The following EML1 variants were observed in gnomAD, a reference collection of about 807,000 sequenced individuals.
The protein encoded by EML1 is echinoderm microtubule-associated protein-like 1.
A neutral mutation model predicts 110.4 loss-of-function variants in EML1; 27 were observed. The ratio of observed to expected loss-of-function variants is 0.24; its 90% CI spans 0.18 to 0.34. EML1 has a LOEUF of 0.34. Ranked by LOEUF, EML1 falls within the 10% of genes least tolerant of loss-of-function variation. The pLI is 1.00. For missense variants in EML1, 741 were observed against 1,030.9 expected (o/e 0.72, Z 3.85); for synonymous variants, 344 against 385.8 (o/e 0.89, Z 1.27).
At chr14:99,888,123 G>C (rs1370969189) in intron 4 of EML1, among the ~76,000 whole-genome samples, 1 of 152,184 alleles carries the variant, frequency 6.6e-6, no homozygotes, top group Non-Finnish European at 1.5e-5. Flanking sequence ...ACATTGTTTA[G>C]AGCATGATTT....
chr14:99,831,472 C>T (rs1001926241), intron 1 of EML1, among the ~76,000 whole-genome samples: 1 of 152,312 alleles, frequency 6.6e-6, no homozygotes, highest in African/African-American at 2.4e-5. Context: ...GGGCCAGGGC[C>T]TCTCATCCTG....
chr14:99,802,950 C>A (rs1050787358), intron 1 of EML1, among the ~76,000 whole-genome samples: 1 of 152,132 alleles, frequency 6.6e-6, no homozygotes, highest in Non-Finnish European at 1.5e-5. Context: ...CAGGGCCCCA[C>A]TTATCTTCAT....
rs780966159 is a variant in EML1, at chr14:99,909,506, T to A, written c.1239+27T>A. 8 of 1,613,712 alleles carry A rather than the reference T, an allele frequency of 5.0e-6. No homozygotes were observed. In the South Asian group the frequency reaches 7.7e-5, roughly 16 times the overall value. ...TAAAGTTAAATTATGATTTTTGCTTTATTTTTCTCTCGTATATGTGATTGG... is the reference window on the plus strand; with the variant it reads ...TAAAGTTAAATTATGATTTTTGCTTAATTTTTCTCTCGTATATGTGATTGG... On this transcript the variant is annotated intron_variant, in intron 11 of 21. Transcript: ENST00000262233.
chr14:99,931,556 T>C (rs1303695104), intron 17 of EML1, among the ~76,000 whole-genome samples: 1 of 152,124 alleles, frequency 6.6e-6, no homozygotes, highest in Non-Finnish European at 1.5e-5. Flanking sequence ...TGATTTTCAT[T>C]TTGGGCCAAA....
At chr14:99,790,463 A>G (rs1316610518), upstream of EML1, among the ~76,000 whole-genome samples, 2 of 151,786 alleles carry the variant, frequency 1.3e-5, no homozygotes, top group African/African-American at 4.8e-5. Context: ...TCAGCCTCCC[A>G]AATAACTAGG....
intron 1 of EML1, among the ~76,000 whole-genome samples, chr14:99,815,181 G>A (rs942815452): frequency 6.1e-5 from 8 of 131,048 alleles, no homozygotes; most frequent in African/African-American, 1.8e-4. Context: ...TCGCTCTGTC[G>A]CCCAGGCTGG....
chr14:99,938,838 A>C (rs2060522588), intron 20 of EML1, among the ~76,000 whole-genome samples: 1 of 152,238 alleles, frequency 6.6e-6, no homozygotes, highest in African/African-American at 2.4e-5. Flanking sequence ...AGGACAGGGC[A>C]GCTTCCCACA....
upstream of EML1, among the ~76,000 whole-genome samples, chr14:99,768,736 T>C (rs2057392579): frequency 6.8e-6 from 1 of 148,094 alleles, no homozygotes; most frequent in Non-Finnish European, 1.5e-5. Flanking sequence ...TTTTTTTTTC[T>C]CAGATGGAGT....
intron 17 of EML1, among the ~76,000 whole-genome samples, chr14:99,933,490 C>T (rs2060411018): frequency 6.6e-6 from 1 of 152,180 alleles, no homozygotes; most frequent in African/African-American, 2.4e-5. Context: ...GGGGTAGTTC[C>T]TTGAGACCTT....
intron 16 of EML1, among the ~76,000 whole-genome samples, chr14:99,920,344 C>A (rs1296278897): frequency 6.6e-6 from 1 of 152,198 alleles, no homozygotes; most frequent in Non-Finnish European, 1.5e-5. Context: ...TCTGCAGCAC[C>A]ATTGGGAACA....
chr14:99,825,488 T>C (rs1170565341), intron 1 of EML1, among the ~76,000 whole-genome samples: 1 of 152,176 alleles, frequency 6.6e-6, no homozygotes, highest in Non-Finnish European at 1.5e-5. Context: ...CGAGATCACA[T>C]ACTATCAAGG....
intron 16 of EML1, 90 bp downstream of exon 16, chr14:99,917,939 G>A (rs1032319496): frequency 2.3e-6 from 3 of 1,331,904 alleles, no homozygotes; most frequent in Non-Finnish European, 3.2e-6. Flanking sequence ...CCCCCGTTCA[G>A]CTCTTGGCTA....
In EML1 at chr14:99,878,623, A is replaced by G; in HGVS notation, c.518+4A>G. 6.2e-7 allele frequency: 1 copy of G among 1,612,476 alleles called. No homozygotes were observed. The highest frequency in any genetic ancestry group is 8.5e-7 in the Non-Finnish European group (1 of 1,179,322). The stretch of plus-strand genomic sequence containing the variant: ...GTGGCAAAAAGAACAGTGAAAGGTA[A>G]GGACGTCTTATCTCTCAGTTCCTGC... On this transcript the variant is annotated splice_donor_region_variant and intron_variant, in intron 4 of 21. Transcript: ENST00000262233.
At chr14:99,888,938 C>A (rs2059532226) in intron 4 of EML1, among the ~76,000 whole-genome samples, 1 of 152,108 alleles carries the variant, frequency 6.6e-6, no homozygotes, top group African/African-American at 2.4e-5. Flanking sequence ...CGAGAACCCT[C>A]CCCCCGCTCA....
At chr14:99,810,612 A>G (rs2058058361) in intron 1 of EML1, among the ~76,000 whole-genome samples, 1 of 152,016 alleles carries the variant, frequency 6.6e-6, no homozygotes, top group African/African-American at 2.4e-5. Flanking sequence ...ACCCCAACCC[A>G]CTTGAAGCAG....
intron 4 of EML1, among the ~76,000 whole-genome samples, chr14:99,881,316 CACAG>C (rs1409218422): frequency 6.6e-6 from 1 of 152,198 alleles, no homozygotes; most frequent in African/African-American, 2.4e-5. Flanking sequence ...CCATAAAGCT[CACAG>C]CTTCTCACAC....
upstream of EML1, among the ~76,000 whole-genome samples, chr14:99,770,396 T>TATCTATCTATCTATC (rs756876109): frequency 2.0e-3 from 310 of 152,202 alleles, 1 homozygote; most frequent in Non-Finnish European, 3.4e-3. Flanking sequence ...TCTATCTATC[T>TATCTATCTATCTATC]ATCTATCTAT....
Position 99,816,949 on chromosome 14 carries a change from T to C in EML1, c.67+23406T>C, listed in dbSNP as rs117582458. On this transcript the variant is annotated intron_variant, in intron 1 of 21. Transcript: ENST00000262233. ...TTGAGAACATTGATTCTCTGAGTTA[T>C]GCAGACCTTCCAAATGTGACATATT... Among the ~76,000 whole-genome samples the C allele has an allele frequency of 9.8e-4, 150 of 152,362 alleles. 4 individuals carry two copies. The East Asian group carries it at 0.027, about 27-fold the overall frequency.
rs755732181 is a variant in EML1 at position 99,930,268 on chromosome 14, T to C, written c.1910-5761T>C. ...TAAATGTTTCTGGCAATTTCTCGCT[T>C]CTCGCACAACAGGCAGGCCCAGGTT... is the stretch of plus-strand genomic sequence containing the variant. On this transcript the variant is annotated intron_variant, in intron 17 of 21. Coordinates refer to ENST00000262233, the MANE Select transcript of EML1 (RefSeq NM_004434.3). Among the ~76,000 whole-genome samples the C allele has an allele frequency of 1.3e-3, 198 of 152,352 alleles. 3 individuals are homozygous for C. The highest frequency in any genetic ancestry group is 2.5e-3 in the Non-Finnish European group (167 of 68,028).
Sources: allele counts gnomAD v4.1 joint callset (sites outside exome capture counted in the v4.1 genomes callset), GRCh38; gene constraint gnomAD v4.1.1; transcripts MANE v1.5; gene names NCBI Gene and HGNC (gene_info 2026-07-23, HGNC 2026-07-21).